The following JAK2 variants were observed in gnomAD, a reference collection of about 807,000 sequenced individuals.
JAK2 encodes the protein tyrosine-protein kinase JAK2.
JAK2 carries 86 observed loss-of-function variants against 139.3 expected under a neutral mutation model. The observed-to-expected ratio is 0.62, with a 90% CI of 0.52 to 0.74. The LOEUF is 0.74. Ranked by LOEUF, JAK2 falls within the 30% of genes least tolerant of loss-of-function variation. JAK2 has a pLI of 0.00. For missense variants in JAK2, 1,421 were observed against 1,360.3 expected, an observed-to-expected ratio of 1.04 and a Z score of -0.70; for synonymous variants, 490 against 437.7, an observed-to-expected ratio of 1.12 and a Z score of -1.49.
At chr9:4,994,957 TG>T (rs1345508214) in intron 2 of JAK2, among the ~76,000 whole-genome samples, 2 of 152,134 alleles carry the variant, frequency 1.3e-5, no homozygotes, top group Non-Finnish European at 2.9e-5. Flanking sequence ...TGTGTGTGTG[TG>T]ACTATAACTA....
intron 2 of JAK2, among the ~76,000 whole-genome samples, chr9:5,003,575 G>A (rs879743776): frequency 2.6e-5 from 4 of 151,954 alleles, no homozygotes; most frequent in Non-Finnish European, 5.9e-5. Flanking sequence ...CTTGCATCTT[G>A]TGACTTTGCT....
intron 8 of JAK2, among the ~76,000 whole-genome samples, chr9:5,060,058 C>A (rs1818047557): frequency 6.6e-6 from 1 of 152,142 alleles, no homozygotes; most frequent in South Asian, 2.1e-4. Flanking sequence ...TTTTTGGTTT[C>A]TCAGTACATA....
At chr9:5,118,635 G>A (rs959252728) in intron 22 of JAK2, among the ~76,000 whole-genome samples, 6 of 152,102 alleles carry the variant, frequency 3.9e-5, no homozygotes, top group African/African-American at 1.4e-4. Context: ...CATAAATTCT[G>A]TGTTCATTTT....
At chr9:5,061,079 TC>T (rs1286654387) in intron 8 of JAK2, among the ~76,000 whole-genome samples, 1 of 152,186 alleles carries the variant, frequency 6.6e-6, no homozygotes, top group Non-Finnish European at 1.5e-5. Flanking sequence ...CTTAAAATAG[TC>T]AGTAAACCAT....
At chr9:5,033,920 G>C (rs763435420) in intron 4 of JAK2, among the ~76,000 whole-genome samples, 1 of 152,162 alleles carries the variant, frequency 6.6e-6, no homozygotes, top group Non-Finnish European at 1.5e-5. Flanking sequence ...TGGGCTAAAT[G>C]CTCCAATTAA....
chr9:5,037,418 T>G (rs1816133337), intron 4 of JAK2, among the ~76,000 whole-genome samples: 1 of 152,220 alleles, frequency 6.6e-6, no homozygotes, highest in Non-Finnish European at 1.5e-5. Flanking sequence ...GTATGTTTAT[T>G]GCGGCACTAT....
intron 2 of JAK2, among the ~76,000 whole-genome samples, chr9:5,003,574 T>C (rs1379929310): frequency 6.6e-6 from 1 of 152,114 alleles, no homozygotes; most frequent in African/African-American, 2.4e-5. Flanking sequence ...TCTTGCATCT[T>C]GTGACTTTGC....
intron 5 of JAK2, among the ~76,000 whole-genome samples, chr9:5,048,678 T>C (rs956530394): frequency 6.6e-6 from 1 of 152,204 alleles, no homozygotes; most frequent in Non-Finnish European, 1.5e-5. Flanking sequence ...TAATAGTTTA[T>C]TTTCTTATAT....
intron 22 of JAK2, among the ~76,000 whole-genome samples, chr9:5,106,372 G>T (rs1310660857): frequency 6.6e-6 from 1 of 152,188 alleles, no homozygotes; most frequent in African/African-American, 2.4e-5. Context: ...AGTTAGAATG[G>T]TGATCATTAA....
intron 8 of JAK2, among the ~76,000 whole-genome samples, chr9:5,063,526 T>G (rs1441555542): frequency 2.0e-5 from 3 of 152,194 alleles, no homozygotes; most frequent in Non-Finnish European, 2.9e-5. Context: ...TTTCTAAATC[T>G]CATGTTTGCC....
chr9:5,092,486 G>A (rs1288796477), intron 22 of JAK2, among the ~76,000 whole-genome samples: 2 of 152,012 alleles, frequency 1.3e-5, no homozygotes, highest in Non-Finnish European at 2.9e-5. Context: ...GCCAACCCTA[G>A]CCCCAAACCT....
chr9:5,081,305 C>G (rs1215688497), intron 18 of JAK2, among the ~76,000 whole-genome samples: 2 of 151,480 alleles, frequency 1.3e-5, no homozygotes, highest in African/African-American at 4.9e-5. Flanking sequence ...TTCTCTTTAA[C>G]ATTTCTCATA....
At chr9:4,991,294 TA>T (rs1260460802) in intron 2 of JAK2, among the ~76,000 whole-genome samples, 16 of 152,354 alleles carry the variant, frequency 1.1e-4, no homozygotes, top group African/African-American at 3.4e-4. Flanking sequence ...CTTGCATGTT[TA>T]TTTTGATCTT....
chr9:5,019,092 A>G (rs911652113), intron 2 of JAK2, among the ~76,000 whole-genome samples: 4 of 152,172 alleles, frequency 2.6e-5, no homozygotes, highest in African/African-American at 7.2e-5. Flanking sequence ...CTGAATGTCT[A>G]AATCTCTTGA....
chr9:5,122,079 C>A (rs1033945339), intron 22 of JAK2, among the ~76,000 whole-genome samples: 1 of 152,046 alleles, frequency 6.6e-6, no homozygotes, highest in South Asian at 2.1e-4. Context: ...AATTCAGTGG[C>A]CTGAGGGCAA....
At chr9:5,085,208 C>T (rs1481823991) in intron 19 of JAK2, 1 of 663,408 alleles carries the variant, frequency 1.5e-6, no homozygotes, top group African/African-American at 1.8e-5. Context: ...GCATTCATTT[C>T]TGGGAACTGC....
intron 2 of JAK2, among the ~76,000 whole-genome samples, chr9:4,999,156 G>A (rs1410763398): frequency 6.6e-6 from 1 of 152,186 alleles, no homozygotes; most frequent in Non-Finnish European, 1.5e-5. Context: ...TGCCTGTCAT[G>A]TGTGTACTTC....
chr9:5,012,171 T>C (rs1249056243), intron 2 of JAK2, among the ~76,000 whole-genome samples: 1 of 152,206 alleles, frequency 6.6e-6, no homozygotes, highest in Non-Finnish European at 1.5e-5. Context: ...CCAGTAAGAC[T>C]GCAGCTTTTT....
Position 5,040,813 on chromosome 9 carries a change from G to C in JAK2, c.351-3590G>C, listed in dbSNP as rs1446562702. The C allele has an allele frequency of 4.8e-5, 10 of 209,768 alleles. No individual in the cohort carries two copies. The East Asian group carries it at 1.5e-3, about 31-fold the overall frequency. The allele number at this position is 209,768 out of a possible 1,614,324, so 13.0% of individuals were successfully genotyped here. On this transcript the variant is annotated intron_variant, in intron 4 of 24. Transcript: ENST00000381652. ...GCTGGCCCAGGCGGTGCAGGAGCTG[G>C]AGCGGGGCCCGAGTGGGGCGCCAGA...
Sources: gnomAD v4.1 joint callset for allele counts (sites outside exome capture counted in the v4.1 genomes callset) on GRCh38, gnomAD v4.1.1 for gene constraint, MANE v1.5 for transcripts, NCBI Gene and HGNC (gene_info 2026-07-23, HGNC 2026-07-21) for gene names.